Variants in PRKAR2B observed in about 807,000 individuals in gnomAD.
PRKAR2B encodes the protein protein kinase cAMP-dependent type II regulatory subunit beta, also known as cAMP-dependent protein kinase type II-beta regulatory subunit.
In PRKAR2B, 14 loss-of-function variants were observed where a neutral mutation model predicts 49.9. That is an observed-to-expected ratio of 0.28 (90% CI 0.19 to 0.44). PRKAR2B has a LOEUF of 0.44. Ranked by LOEUF, PRKAR2B falls within the 20% of genes least tolerant of loss-of-function variation. PRKAR2B has a pLI of 1.00. For missense variants in PRKAR2B, 393 were observed against 537.9 expected, an observed-to-expected ratio of 0.73 and a Z score of 2.67; for synonymous variants, 196 against 197.7, an observed-to-expected ratio of 0.99 and a Z score of 0.07.
chr7:107,145,733 A>ATTTTTTTTT (rs916332834), intron 5 of PRKAR2B, among the ~76,000 whole-genome samples: 1 of 93,436 alleles, frequency 1.1e-5, no homozygotes, highest in African/African-American at 4.7e-5. Context: ...TCTTCAGATG[A>ATTTTTTTTT]TTTTTTTTTT....
At chr7:107,141,709 T>G (rs1025912680) in intron 5 of PRKAR2B, among the ~76,000 whole-genome samples, 3 of 151,996 alleles carry the variant, frequency 2.0e-5, no homozygotes, top group Admixed American at 6.6e-5. Flanking sequence ...ATAATAACAA[T>G]AAATAAATAA....
At chr7:107,117,641 C>A (rs773762937) in intron 2 of PRKAR2B, among the ~76,000 whole-genome samples, 27 of 152,114 alleles carry the variant, frequency 1.8e-4, no homozygotes, top group Admixed American at 7.2e-4. Flanking sequence ...AGTGCAGAGT[C>A]GTTTTGACCA....
intron 2 of PRKAR2B, among the ~76,000 whole-genome samples, chr7:107,082,955 A>G (rs955541574): frequency 2.6e-5 from 4 of 152,130 alleles, no homozygotes; most frequent in African/African-American, 9.7e-5. Flanking sequence ...GTGAGACTGA[A>G]GTGTCTTAGA....
intron 1 of PRKAR2B, among the ~76,000 whole-genome samples, chr7:107,063,056 T>G (rs1194889772): frequency 6.6e-6 from 1 of 152,114 alleles, no homozygotes; most frequent in East Asian, 1.9e-4. Context: ...AAGACTGGAG[T>G]GCGGTGGTAC....
intron 2 of PRKAR2B, chr7:107,091,976 G>C (rs997507907): frequency 3.3e-5 from 5 of 152,144 alleles, no homozygotes; most frequent in African/African-American, 1.2e-4. Flanking sequence ...TGTGGCATTT[G>C]AGCAGAGATT....
intron 2 of PRKAR2B, among the ~76,000 whole-genome samples, chr7:107,083,133 A>G (rs554349732): frequency 5.3e-5 from 8 of 151,662 alleles, no homozygotes; most frequent in African/African-American, 1.9e-4. Context: ...AATCCCAGCA[A>G]TTTGGGAGGC....
At chr7:107,099,423 C>T (rs1051919402) in intron 2 of PRKAR2B, among the ~76,000 whole-genome samples, 8 of 152,120 alleles carry the variant, frequency 5.3e-5, no homozygotes, top group Non-Finnish European at 1.0e-4. Context: ...GTCATGGCTT[C>T]CTTTAGCTAG....
intron 2 of PRKAR2B, among the ~76,000 whole-genome samples, chr7:107,080,033 T>G (rs1794486558): frequency 6.6e-6 from 1 of 152,154 alleles, no homozygotes; most frequent in Non-Finnish European, 1.5e-5. Flanking sequence ...CCAAAATAAG[T>G]TGAGGATGGG....
intron 2 of PRKAR2B, among the ~76,000 whole-genome samples, chr7:107,105,133 T>G (rs1388503132): frequency 1.3e-5 from 2 of 152,196 alleles, no homozygotes; most frequent in Non-Finnish European, 2.9e-5. Context: ...TAACCAACAT[T>G]GAGTTTTAAA....
At chr7:107,126,744 A>T (rs2115600058) in intron 3 of PRKAR2B, among the ~76,000 whole-genome samples, 1 of 151,972 alleles carries the variant, frequency 6.6e-6, no homozygotes, top group South Asian at 2.1e-4. Context: ...TTGAAGTAGG[A>T]GGAAGTGAAG....
chr7:107,104,331 G>A (rs1795033439), intron 2 of PRKAR2B, among the ~76,000 whole-genome samples: 1 of 152,184 alleles, frequency 6.6e-6, no homozygotes, highest in Admixed American at 6.5e-5. Flanking sequence ...CACTATGCCT[G>A]CCCTCCTCGC....
chr7:107,068,511 G>A (rs1370551691), intron 1 of PRKAR2B: 1 of 152,074 alleles, frequency 6.6e-6, no homozygotes, highest in Non-Finnish European at 1.5e-5. Flanking sequence ...TGTATGTGTA[G>A]TAAAATATAT....
At chr7:107,058,568 C>T (rs371577396) in intron 1 of PRKAR2B, among the ~76,000 whole-genome samples, 1 of 152,082 alleles carries the variant, frequency 6.6e-6, no homozygotes, top group Non-Finnish European at 1.5e-5. Flanking sequence ...TTTGTTCATA[C>T]GTCTTTGATT....
At chr7:107,148,973 T>G (rs1457396848) in intron 6 of PRKAR2B, among the ~76,000 whole-genome samples, 4 of 152,234 alleles carry the variant, frequency 2.6e-5, no homozygotes, top group Non-Finnish European at 5.9e-5. Context: ...CTGATTATGA[T>G]TAGTTTCTAA....
chr7:107,132,103 T>C (rs1258370976), intron 4 of PRKAR2B, among the ~76,000 whole-genome samples: 1 of 152,204 alleles, frequency 6.6e-6, no homozygotes, highest in Non-Finnish European at 1.5e-5. Context: ...GTCTGTCTCT[T>C]AGCTTACCCT....
Position 107,160,925 on chromosome 7 carries a change from A to C in PRKAR2B, c.*1343A>C, listed in dbSNP as rs1352525739. 6.6e-6 allele frequency: 1 copy of C among 152,204 alleles called. No individual in the cohort carries two copies. Among genetic ancestry groups the C allele is most frequent in the Non-Finnish European group, 1.5e-5 (1 of 68,020 alleles). 9.4% of individuals were successfully genotyped at this position (152,204 alleles called of 1,614,324 possible). Reference sequence around the variant, plus strand: ...ACATGATTTCTAGGCCCCATGACCCAGTGTCTAGAGACATTAATTCTAACC... The same window carrying C: ...ACATGATTTCTAGGCCCCATGACCCCGTGTCTAGAGACATTAATTCTAACC... On this transcript the variant is annotated 3_prime_UTR_variant, in exon 11 of 11. Transcript: ENST00000265717.
At chr7:107,059,708 G>GTGTGTT (rs1793988732) in intron 1 of PRKAR2B, among the ~76,000 whole-genome samples, 1 of 151,902 alleles carries the variant, frequency 6.6e-6, no homozygotes, top group South Asian at 2.1e-4. Context: ...GTGTGTGTGT[G>GTGTGTT]TGTGTGTGTG....
rs138906142 is a variant in PRKAR2B, at chr7:107,045,311, C to T, written c.307+97C>T. ...CGGATCTTGCCGCTTTGCGCACCCA[C>T]CTCTCCCCGCATTCTCCACCTTTCC... On this transcript the variant is annotated intron_variant, in intron 1 of 10. Coordinates refer to ENST00000265717, the MANE Select transcript of PRKAR2B (RefSeq NM_002736.3). 443 of 1,054,106 alleles carry T rather than the reference C, an allele frequency of 4.2e-4. 2 individuals are homozygous for T. The East Asian group carries it at 0.012, about 29-fold the overall frequency. 65.3% of individuals were successfully genotyped at this position (1,054,106 alleles called of 1,614,324 possible). A position where few individuals can be genotyped will look rare whatever the true frequency, so the allele number is the denominator to read the frequency against.
Position 107,161,057 on chromosome 7 carries a change from G to A in PRKAR2B, c.*1475G>A, listed in dbSNP as rs1458567554. The A allele has an allele frequency of 1.3e-5, 2 of 152,276 alleles. No individual in the cohort carries two copies. The highest frequency in any genetic ancestry group is 3.4e-3 in the Middle Eastern group (1 of 294). The allele number at this position is 152,276 out of a possible 1,614,324, so 9.4% of individuals were successfully genotyped here. A position where few individuals can be genotyped will look rare whatever the true frequency, so the allele number is the denominator to read the frequency against. On this transcript the variant is annotated 3_prime_UTR_variant, in exon 11 of 11. Coordinates refer to ENST00000265717, the MANE Select transcript of PRKAR2B (RefSeq NM_002736.3). ...TGCTAGTGTAGTCTTACTAGAGAATGTTTATGGTCCCACTTGTATATGAAA... is the reference window on the plus strand; with the variant it reads ...TGCTAGTGTAGTCTTACTAGAGAATATTTATGGTCCCACTTGTATATGAAA...
Sources: allele counts gnomAD v4.1 joint callset (sites outside exome capture counted in the v4.1 genomes callset), GRCh38; gene constraint gnomAD v4.1.1; transcripts MANE v1.5; gene names NCBI Gene and HGNC (gene_info 2026-07-23, HGNC 2026-07-21).